The following NKD1 variants were observed in gnomAD, a reference collection of about 807,000 sequenced individuals.
NKD1 encodes protein naked cuticle homolog 1.
A neutral mutation model predicts 56.0 loss-of-function variants in NKD1; 21 were observed. The ratio of observed to expected loss-of-function variants is 0.38; its 90% confidence interval spans 0.27 to 0.54. NKD1 has a LOEUF of 0.54. NKD1 is among the 20% of genes least tolerant of loss of function. NKD1 has a pLI of 0.82. For synonymous variants in NKD1, 263 were observed against 265.7 expected (o/e 0.99, Z 0.10); for missense variants, 578 against 642.7 (o/e 0.90, Z 1.09).
chr16:50,612,793 G>C (rs928968576), intron 4 of NKD1, among the ~76,000 whole-genome samples: 1 of 152,168 alleles, frequency 6.6e-6, no homozygotes, highest in Non-Finnish European at 1.5e-5. Context: ...TGGGGTGGTC[G>C]GCAAGTGTGG....
At chr16:50,570,101 T>C (rs1960849577) in intron 3 of NKD1, among the ~76,000 whole-genome samples, 1 of 152,188 alleles carries the variant, frequency 6.6e-6, no homozygotes, top group Non-Finnish European at 1.5e-5. Context: ...TTTAAAAAAA[T>C]CACATGTAAC....
intron 3 of NKD1, chr16:50,571,072 G>T (rs1045656640): frequency 1.2e-4 from 102 of 886,774 alleles, no homozygotes; most frequent in Non-Finnish European, 1.3e-4. Context: ...GGCTGCCTTT[G>T]AAGGGAGAGC....
In NKD1 at chr16:50,645,684, C is replaced by A. The variant is rs1227202730; in HGVS notation, c.*11903C>A. 6.6e-6 allele frequency: 1 copy of A among 152,102 alleles called. No individual in the cohort carries two copies. Among genetic ancestry groups the A allele is most frequent in the East Asian group, 1.9e-4 (1 of 5,182 alleles). 9.4% of individuals were successfully genotyped at this position (152,102 alleles called of 1,614,324 possible). ...TCTCTTGGTAGGATCCCACGGCAAC[C>A]GAATGGATGCACGTTGTTTATGACG... On this transcript the variant is annotated 3_prime_UTR_variant, in exon 10 of 10. Transcript: ENST00000268459.
At chr16:50,608,228 C>G (rs916862448) in intron 3 of NKD1, 66 bp from the exon 4 acceptor site, 3 of 1,119,000 alleles carry the variant, frequency 2.7e-6, no homozygotes, top group Admixed American at 3.4e-5. Flanking sequence ...CATGGCACTG[C>G]TTTTAACGTC....
chr16:50,605,431 A>G (rs1961683979), intron 3 of NKD1, among the ~76,000 whole-genome samples: 1 of 152,206 alleles, frequency 6.6e-6, no homozygotes, highest in Admixed American at 6.5e-5. Context: ...GGCTGTTGTG[A>G]TGATTCAGGG....
rs1743481590 is a variant in NKD1 at position 50,637,232 on chromosome 16, G to C, written c.*3451G>C. On this transcript the variant is annotated 3_prime_UTR_variant, in exon 10 of 10. Transcript: ENST00000268459. ...GTGGAACTGCAGAGTTCAAGAGCAA[G>C]TGTGATTTCAATTTTGATGAGATTG... The C allele has an allele frequency of 6.6e-6, 1 of 152,248 alleles. No homozygotes were observed. The highest frequency in any genetic ancestry group is 6.5e-5 in the Admixed American group (1 of 15,280). 9.4% of individuals were successfully genotyped at this position (152,248 alleles called of 1,614,324 possible).
intron 3 of NKD1, among the ~76,000 whole-genome samples, chr16:50,576,204 C>T (rs1311398457): frequency 6.6e-6 from 1 of 152,166 alleles, no homozygotes; most frequent in Non-Finnish European, 1.5e-5. Context: ...CCTGAACAGG[C>T]CCTGGTCAGA....
chr16:50,628,037 G>A (rs942138023), intron 6 of NKD1, among the ~76,000 whole-genome samples: 6 of 152,146 alleles, frequency 3.9e-5, no homozygotes, highest in African/African-American at 1.4e-4. Flanking sequence ...TGCGGGCCTC[G>A]TCGAAAGAAG....
rs1962691106 is a variant in NKD1 at position 50,646,890 on chromosome 16, G to T, written c.*13109G>T. On this transcript the variant is annotated 3_prime_UTR_variant, in exon 10 of 10. Coordinates refer to ENST00000268459, the MANE Select transcript of NKD1 (RefSeq NM_033119.5). Reference sequence around the variant, plus strand: ...ACAGCTGGGTCAGGATATCCCCAGGGTCATGCCTCTGCCACCCAGACCCCA... The same window carrying T: ...ACAGCTGGGTCAGGATATCCCCAGGTTCATGCCTCTGCCACCCAGACCCCA... 6.6e-6 allele frequency: 1 copy of T among 152,212 alleles called. No individual in the cohort carries two copies. The highest frequency in any genetic ancestry group is 1.5e-5 in the Non-Finnish European group (1 of 68,052). The allele number at this position is 152,212 out of a possible 1,614,324, so 9.4% of individuals were successfully genotyped here. A position where few individuals can be genotyped will look rare whatever the true frequency, so the allele number is the denominator to read the frequency against.
chr16:50,563,296 C>G (rs1276219381), intron 3 of NKD1, among the ~76,000 whole-genome samples: 2 of 152,004 alleles, frequency 1.3e-5, no homozygotes, highest in Non-Finnish European at 2.9e-5. Context: ...CCTCAGTGGG[C>G]ACAGTCCTGG....
intron 3 of NKD1, chr16:50,555,409 C>A (rs1331709039): frequency 1.3e-5 from 2 of 152,394 alleles, no homozygotes; most frequent in African/African-American, 2.4e-5. Context: ...GGCGGGCAGT[C>A]AGCGAGCGTG....
intron 3 of NKD1, chr16:50,571,490 C>T (rs1049429504): frequency 2.5e-5 from 25 of 985,244 alleles, no homozygotes; most frequent in Middle Eastern, 5.2e-4. Context: ...AACAGCCTGT[C>T]GGAAGCAGCC....
chr16:50,573,459 T>C (rs1268020051), intron 3 of NKD1, among the ~76,000 whole-genome samples: 1 of 152,200 alleles, frequency 6.6e-6, no homozygotes, highest in East Asian at 1.9e-4. Context: ...TGCCCTGCAG[T>C]GTGAAGCCGG....
chr16:50,604,380 G>A (rs559416673), intron 3 of NKD1, among the ~76,000 whole-genome samples: 14 of 152,234 alleles, frequency 9.2e-5, no homozygotes, highest in Non-Finnish European at 1.5e-4. Context: ...GTTTCCAGGT[G>A]TCTGTGAGGG....
chr16:50,610,797 G>A (rs1356092438), intron 4 of NKD1, among the ~76,000 whole-genome samples: 1 of 152,236 alleles, frequency 6.6e-6, no homozygotes, highest in Non-Finnish European at 1.5e-5. Context: ...AGCTGGGAGC[G>A]GGAGGGATGG....
intron 4 of NKD1, among the ~76,000 whole-genome samples, chr16:50,618,405 G>C (rs117682079): frequency 6.6e-6 from 1 of 152,188 alleles, no homozygotes; most frequent in African/African-American, 2.4e-5. Flanking sequence ...GGCCTGCAGC[G>C]AGCACCAGTC....
At chr16:50,629,942 T>A (rs1320521411) in intron 6 of NKD1, among the ~76,000 whole-genome samples, 1 of 152,330 alleles carries the variant, frequency 6.6e-6, no homozygotes, top group East Asian at 1.9e-4. Context: ...CAGTTGTCCC[T>A]GGATGTAACC....
At chr16:50,629,889 G>A (rs891042759) in intron 6 of NKD1, among the ~76,000 whole-genome samples, 15 of 152,286 alleles carry the variant, frequency 9.8e-5, no homozygotes, top group Non-Finnish European at 1.5e-4. Flanking sequence ...GTTCCAAGGT[G>A]GGCTCCACAC....
intron 3 of NKD1, chr16:50,562,312 A>G (rs1365679800): frequency 1.0e-6 from 1 of 973,712 alleles, no homozygotes; most frequent in Non-Finnish European, 1.2e-6. Flanking sequence ...GTCACTGTGT[A>G]TCTGCAGGTG....
Sources: gnomAD v4.1 joint callset for allele counts (sites outside exome capture counted in the v4.1 genomes callset) on GRCh38, gnomAD v4.1.1 for gene constraint, MANE v1.5 for transcripts, NCBI Gene and HGNC (gene_info 2026-07-23, HGNC 2026-07-21) for gene names.